Variants in CAST observed in about 807,000 individuals in gnomAD.
The protein encoded by CAST is MIR583 host.
Under a neutral mutation model 119.6 loss-of-function variants are expected in CAST, and 76 were observed. The observed-to-expected ratio is 0.64, with a 90% CI of 0.53 to 0.77. The LOEUF is 0.77. Among genes scored for constraint, CAST ranks in the 30% least tolerant of loss-of-function variants. CAST has a pLI of 0.00. For missense variants in CAST, 953 were observed against 946.5 expected, an observed-to-expected ratio of 1.01 and a Z score of -0.09; for synonymous variants, 319 against 331.6, an observed-to-expected ratio of 0.96 and a Z score of 0.41.
chr5:96,708,181 C>G (rs1014157528), intron 3 of CAST, among the ~76,000 whole-genome samples: 1 of 152,168 alleles, frequency 6.6e-6, no homozygotes, highest in Non-Finnish European at 1.5e-5. Context: ...TTTAGACATG[C>G]GTTATTTTAT....
At chr5:96,249,436 C>T in the CAST span, among the ~76,000 whole-genome samples, 3 of 152,180 alleles carry the variant, frequency 2.0e-5, no homozygotes, top group African/African-American at 7.2e-5. Flanking sequence ...AATAATACTA[C>T]TTTCCTCATA....
the CAST span, among the ~76,000 whole-genome samples, chr5:96,238,334 C>CTTCTTG: frequency 4.6e-5 from 2 of 43,820 alleles, no homozygotes; most frequent in African/African-American, 1.2e-4. Context: ...TCTTCTTCTT[C>CTTCTTG]TTCTTCTTCT....
At chr5:95,999,066 G>A in the CAST span, among the ~76,000 whole-genome samples, 1 of 151,842 alleles carries the variant, frequency 6.6e-6, no homozygotes, top group Admixed American at 6.6e-5. Flanking sequence ...TTTTTTTAGT[G>A]ACTTTACTGA....
chr5:96,531,818 A>T (rs1745694053), intron 1 of CAST, among the ~76,000 whole-genome samples: 2 of 152,218 alleles, frequency 1.3e-5, no homozygotes, highest in Admixed American at 1.3e-4. Context: ...TTGCTCTGAA[A>T]AAAGGAACCC....
At chr5:95,961,850 C>CCTG in the CAST span, 1 of 1,246,738 alleles carries the variant, frequency 8.0e-7, no homozygotes, top group South Asian at 1.7e-5. Flanking sequence ...CTGTCATATA[C>CCTG]TGCGCGGAGC....
the CAST span, among the ~76,000 whole-genome samples, chr5:95,988,719 G>C: frequency 2.6e-5 from 4 of 152,070 alleles, no homozygotes; most frequent in African/African-American, 7.2e-5. Context: ...GCAAAATAGG[G>C]ATAAATGTTG....
chr5:96,230,669 G>A, the CAST span, among the ~76,000 whole-genome samples: 2 of 152,042 alleles, frequency 1.3e-5, no homozygotes, highest in African/African-American at 2.4e-5. Flanking sequence ...GGTTAAAAAC[G>A]TTTATGTTTC....
chr5:96,103,238 G>A, the CAST span, among the ~76,000 whole-genome samples: 2 of 151,974 alleles, frequency 1.3e-5, no homozygotes, highest in Admixed American at 6.6e-5. Context: ...TAGGGTACAT[G>A]TGCACAATGT....
At chr5:96,061,712 T>C in the CAST span, among the ~76,000 whole-genome samples, 6 of 152,018 alleles carry the variant, frequency 3.9e-5, no homozygotes, top group East Asian at 7.7e-4. Context: ...AGAATACTTA[T>C]GAAGTCATGG....
rs1747520949 is a variant in CAST, at chr5:96,618,576, G to A, written c.61-56963G>A. Among the ~76,000 whole-genome samples, 4 of 152,268 alleles carry A rather than the reference G, an allele frequency of 2.6e-5. No homozygotes were observed. In the South Asian group the frequency reaches 8.3e-4, roughly 31 times the overall value. On this transcript the variant is annotated intron_variant, in intron 1 of 11. Coordinates refer to the CAST transcript ENST00000505143. The stretch of plus-strand genomic sequence containing the variant: ...CGCGAGCTAGCGCAAGTTCCAGGTG[G>A]TTGCGGGCTTGGCAGGCCTCGCATT...
chr5:96,324,634 A>G, the CAST span, among the ~76,000 whole-genome samples: 3 of 152,230 alleles, frequency 2.0e-5, no homozygotes, highest in Non-Finnish European at 4.4e-5. Context: ...AATGTATTTT[A>G]GTTTTTCAAG....
chr5:95,981,463 C>T, the CAST span, among the ~76,000 whole-genome samples: 1 of 152,180 alleles, frequency 6.6e-6, no homozygotes, highest in African/African-American at 2.4e-5. Flanking sequence ...TATGAATCAT[C>T]TGAGATTCTT....
chr5:96,583,760 C>T (rs1228090394), intron 1 of CAST, among the ~76,000 whole-genome samples: 1 of 152,170 alleles, frequency 6.6e-6, no homozygotes, highest in Admixed American at 6.5e-5. Flanking sequence ...CCGTGTGCAT[C>T]TATTTATGTC....
the CAST span, chr5:96,394,981 C>T: frequency 6.2e-7 from 1 of 1,614,076 alleles, no homozygotes; most frequent in Non-Finnish European, 8.5e-7. Context: ...CGTGCAAAAT[C>T]AGCTTCCAGT....
chr5:96,018,804 CT>C, the CAST span, among the ~76,000 whole-genome samples: 2 of 152,132 alleles, frequency 1.3e-5, no homozygotes, highest in African/African-American at 2.4e-5. Flanking sequence ...TCATATAATT[CT>C]TTGTTACTAT....
the CAST span, chr5:96,421,750 T>C: frequency 3.9e-4 from 278 of 711,162 alleles, 1 homozygote; most frequent in East Asian, 5.6e-3. Context: ...AACAAAATAT[T>C]GTGGTATGGA....
chr5:96,206,272 T>C, the CAST span, among the ~76,000 whole-genome samples: 3 of 152,116 alleles, frequency 2.0e-5, no homozygotes, highest in Non-Finnish European at 4.4e-5. Flanking sequence ...ACTCTGTTGA[T>C]AGTGTCTTTT....
the CAST span, among the ~76,000 whole-genome samples, chr5:96,229,833 TTGTTTA>T: frequency 1.3e-5 from 2 of 152,186 alleles, no homozygotes; most frequent in Non-Finnish European, 2.9e-5. Context: ...AGTTAATTAT[TTGTTTA>T]TTTGATGAAG....
chr5:96,330,425 G>A, the CAST span, among the ~76,000 whole-genome samples: 1 of 152,174 alleles, frequency 6.6e-6, no homozygotes, highest in Admixed American at 6.5e-5. Context: ...GAGGAAACAT[G>A]GTGATGTCTC....
Sources: gnomAD v4.1 joint callset for allele counts (sites outside exome capture counted in the v4.1 genomes callset) on GRCh38, gnomAD v4.1.1 for gene constraint, MANE v1.5 for transcripts, NCBI Gene and HGNC (gene_info 2026-07-23, HGNC 2026-07-21) for gene names.